The following POU6F2 variants were observed in gnomAD, a reference collection of about 807,000 sequenced individuals.
POU6F2 encodes POU class 6 homeobox 2.
POU6F2 carries 31 observed loss-of-function variants against 71.3 expected under a neutral mutation model. That is an observed-to-expected ratio of 0.43 (90% CI 0.33 to 0.59). POU6F2 has a LOEUF of 0.59. POU6F2 is among the 20% of genes least tolerant of loss of function. The probability of loss-of-function intolerance (pLI) is 0.04; values close to 1 mark genes in which losing one functional copy is unlikely to be tolerated. For missense variants in POU6F2, 783 were observed against 856.8 expected, an observed-to-expected ratio of 0.91 and a Z score of 1.07; for synonymous variants, 347 against 355.7, an observed-to-expected ratio of 0.98 and a Z score of 0.27.
chr7:39,023,060 T>C (rs1032463459), intron 1 of POU6F2, among the ~76,000 whole-genome samples: 3 of 152,106 alleles, frequency 2.0e-5, no homozygotes, highest in African/African-American at 4.8e-5. Context: ...TGGTATTTCA[T>C]TGTGGCTTTA....
chr7:39,442,941 G>A (rs1788438103), intron 7 of POU6F2, among the ~76,000 whole-genome samples: 1 of 152,152 alleles, frequency 6.6e-6, no homozygotes, highest in Non-Finnish European at 1.5e-5. Context: ...TTTGGGAGTA[G>A]TACAGTTTTG....
intron 1 of POU6F2, among the ~76,000 whole-genome samples, chr7:39,046,717 C>T (rs1358958899): frequency 6.6e-6 from 1 of 151,878 alleles, no homozygotes; most frequent in South Asian, 2.1e-4. Flanking sequence ...GCTTGCCTGA[C>T]CCCTTCTCAC....
chr7:39,092,124 T>G lies in POU6F2; in HGVS notation c.277+6093T>G, dbSNP rs527974673. ...ATTTAACATGTTTCTTGATTTTTTA[T>G]GCTAAAGAAAAAGATAGCAAAGTGT... is the stretch of plus-strand genomic sequence containing the variant. On this transcript the variant is annotated intron_variant, in intron 2 of 9. Coordinates refer to ENST00000518318, the MANE Select transcript of POU6F2 (RefSeq NM_001370959.1). Among the ~76,000 whole-genome samples the G allele has an allele frequency of 2.6e-5, 4 of 152,346 alleles. No homozygotes were observed. The South Asian group carries it at 8.3e-4, about 32-fold the overall frequency.
chr7:39,179,276 C>A (rs1435303649), intron 2 of POU6F2, among the ~76,000 whole-genome samples: 1 of 152,172 alleles, frequency 6.6e-6, no homozygotes, highest in African/African-American at 2.4e-5. Context: ...ATGTTGGTGC[C>A]ACACTGCCTG....
At chr7:39,349,794 G>A (rs1193218463) in intron 5 of POU6F2, among the ~76,000 whole-genome samples, 2 of 152,190 alleles carry the variant, frequency 1.3e-5, no homozygotes, top group Non-Finnish European at 2.9e-5. Context: ...CCACTGTTGA[G>A]AACTAAATTG....
intron 4 of POU6F2, among the ~76,000 whole-genome samples, chr7:39,274,921 A>G (rs1784408805): frequency 6.6e-6 from 1 of 152,000 alleles, no homozygotes; most frequent in African/African-American, 2.4e-5. Context: ...AGAGCTATCT[A>G]TGACAAACCC....
intron 1 of POU6F2, among the ~76,000 whole-genome samples, chr7:38,991,783 C>T (rs189776351): frequency 7.2e-5 from 11 of 152,158 alleles, no homozygotes; most frequent in Middle Eastern, 3.4e-3. Context: ...ATAGAATTAA[C>T]GGCTCTTTGT....
chr7:39,043,146 G>C (rs1790223887), intron 1 of POU6F2, among the ~76,000 whole-genome samples: 1 of 151,844 alleles, frequency 6.6e-6, no homozygotes, highest in South Asian at 2.1e-4. Flanking sequence ...TATCATAGGA[G>C]TACAGTTTTA....
At chr7:39,033,281 C>A (rs1255237001) in intron 1 of POU6F2, among the ~76,000 whole-genome samples, 3 of 152,194 alleles carry the variant, frequency 2.0e-5, no homozygotes, top group Admixed American at 2.0e-4. Flanking sequence ...GTGCGTTGGG[C>A]TATAATGACA....
chr7:39,048,340 T>C (rs979060833), intron 1 of POU6F2, among the ~76,000 whole-genome samples: 7 of 152,058 alleles, frequency 4.6e-5, no homozygotes, highest in Non-Finnish European at 8.8e-5. Flanking sequence ...AGGTAGTTTT[T>C]TTTTTATCTT....
intron 2 of POU6F2, among the ~76,000 whole-genome samples, chr7:39,117,886 C>T (rs1189826074): frequency 3.3e-5 from 5 of 152,176 alleles, no homozygotes; most frequent in Admixed American, 2.0e-4. Context: ...GTCTCAGGGA[C>T]ACCCAGCCCA....
chr7:39,107,039 C>CTTTTTTTTTTTTTTTTTTTTTTT (rs70977458), intron 2 of POU6F2, among the ~76,000 whole-genome samples: 4 of 130,908 alleles, frequency 3.1e-5, no homozygotes, highest in Non-Finnish European at 4.9e-5. Flanking sequence ...TTCTTTCTTT[C>CTTTTTTTTTTTTTTTTTTTTTTT]TTTTTTTTTT....
chr7:39,096,002 C>T (rs1791448130), intron 2 of POU6F2, among the ~76,000 whole-genome samples: 3 of 152,066 alleles, frequency 2.0e-5, no homozygotes, highest in African/African-American at 7.2e-5. Flanking sequence ...CTTTCATTTT[C>T]TCTGGCTATT....
intron 2 of POU6F2, among the ~76,000 whole-genome samples, chr7:39,115,848 C>G (rs898303994): frequency 1.3e-5 from 2 of 151,914 alleles, no homozygotes; most frequent in African/African-American, 4.8e-5. Flanking sequence ...GTATAGTATA[C>G]TTATGTAGCT....
chr7:39,159,560 G>A (rs1584574440), intron 2 of POU6F2, among the ~76,000 whole-genome samples: 2 of 152,270 alleles, frequency 1.3e-5, no homozygotes, highest in Middle Eastern at 3.4e-3. Context: ...AAACACATAA[G>A]CATATCTAGC....
At chr7:38,998,606 G>A (rs1215131035) in intron 1 of POU6F2, among the ~76,000 whole-genome samples, 2 of 151,610 alleles carry the variant, frequency 1.3e-5, no homozygotes, top group Non-Finnish European at 2.9e-5. Context: ...AATGCAAGGA[G>A]AATTTTAGGA....
At chr7:39,324,949 GC>G (rs1478324548) in intron 4 of POU6F2, among the ~76,000 whole-genome samples, 1 of 152,094 alleles carries the variant, frequency 6.6e-6, no homozygotes, top group African/African-American at 2.4e-5. Context: ...TGACTAATTT[GC>G]ACATCAATAC....
chr7:39,447,041 T>C (rs1307143454), intron 7 of POU6F2, among the ~76,000 whole-genome samples: 1 of 152,144 alleles, frequency 6.6e-6, no homozygotes, highest in Non-Finnish European at 1.5e-5. Context: ...ATTAATTATA[T>C]CAAGCAAAGA....
At chr7:38,996,293 G>A (rs1034940974) in intron 1 of POU6F2, among the ~76,000 whole-genome samples, 67 of 151,630 alleles carry the variant, frequency 4.4e-4, no homozygotes, top group African/African-American at 1.4e-3. Context: ...TGCCCGCCTC[G>A]GCCTCCCACA....
Sources: allele counts gnomAD v4.1 joint callset (sites outside exome capture counted in the v4.1 genomes callset), GRCh38; gene constraint gnomAD v4.1.1; transcripts MANE v1.5; gene names NCBI Gene and HGNC (gene_info 2026-07-23, HGNC 2026-07-21).